Variants in MALRD1 observed in about 807,000 individuals in gnomAD.
The protein encoded by MALRD1 is MAM and LDL receptor class A domain containing 1.
MALRD1 carries 247 observed loss-of-function variants against 242.1 expected under a neutral mutation model. That is an observed-to-expected ratio of 1.02 (90% CI 0.92 to 1.13). The LOEUF (loss-of-function observed/expected upper bound fraction) is 1.13. MALRD1 is among the 50% of genes most tolerant of loss of function. The pLI is 0.00. For synonymous variants in MALRD1, 995 were observed against 866.6 expected, an observed-to-expected ratio of 1.15 and a Z score of -2.60; for missense variants, 2,989 against 2,533.1, an observed-to-expected ratio of 1.18 and a Z score of -3.86.
chr10:19,733,666 A>G (rs1835382200), intron 39 of MALRD1, among the ~76,000 whole-genome samples: 1 of 149,602 alleles, frequency 6.7e-6, no homozygotes, highest in South Asian at 2.1e-4. Context: ...TATTTGTTGA[A>G]GAAACCAGAT....
chr10:19,256,239 G>T (rs892568017), intron 18 of MALRD1, among the ~76,000 whole-genome samples: 1 of 151,906 alleles, frequency 6.6e-6, no homozygotes, highest in African/African-American at 2.4e-5. Context: ...TACATGTATG[G>T]GTACAGGACA....
intron 11 of MALRD1, among the ~76,000 whole-genome samples, chr10:19,151,997 G>A (rs551257777): frequency 6.6e-6 from 1 of 152,260 alleles, no homozygotes; most frequent in East Asian, 1.9e-4. Context: ...TTCTAGGCCA[G>A]TGCATTAACA....
intron 28 of MALRD1, among the ~76,000 whole-genome samples, chr10:19,391,271 G>A (rs1846325659): frequency 3.3e-5 from 5 of 152,050 alleles, no homozygotes; most frequent in Admixed American, 3.3e-4. Context: ...GTATATGCCT[G>A]TACTTAGTCA....
intron 26 of MALRD1, among the ~76,000 whole-genome samples, chr10:19,367,359 A>C (rs2130730146): frequency 6.6e-6 from 1 of 152,274 alleles, no homozygotes; most frequent in South Asian, 2.1e-4. Context: ...GAGTGAGAAC[A>C]TGTGTTGTTT....
At chr10:19,109,034 C>G (rs1836578137) in intron 5 of MALRD1, among the ~76,000 whole-genome samples, 1 of 152,110 alleles carries the variant, frequency 6.6e-6, no homozygotes, top group Non-Finnish European at 1.5e-5. Flanking sequence ...TACACCTGTG[C>G]TTTAGAGTAT....
chr10:19,406,554 G>A (rs1309625103), intron 28 of MALRD1, among the ~76,000 whole-genome samples: 1 of 152,138 alleles, frequency 6.6e-6, no homozygotes, highest in Non-Finnish European at 1.5e-5. Flanking sequence ...CGGTAACCTG[G>A]CTAAGGGTGT....
Position 19,283,191 on chromosome 10 carries a change from C to T in MALRD1, c.3419+10C>T. On this transcript the variant is annotated intron_variant, in intron 21 of 39. Coordinates refer to ENST00000454679, the MANE Select transcript of MALRD1 (RefSeq NM_001142308.3). ...CAGTGGATCATACACAGTAAGTGAC[C>T]ATGTATTTTGAATATCTCTCTTGGG... is the stretch of plus-strand genomic sequence containing the variant. 1.3e-6 allele frequency: 2 copies of T among 1,513,840 alleles called. No homozygotes were observed. Among genetic ancestry groups the T allele is most frequent in the Non-Finnish European group, 1.8e-6 (2 of 1,127,610 alleles). The allele number at this position is 1,513,840 out of a possible 1,614,324, so 93.8% of individuals were successfully genotyped here.
Position 19,171,964 on chromosome 10 carries a change from A to C in MALRD1, c.1831-3244A>C, listed in dbSNP as rs142973320. Among the ~76,000 whole-genome samples, 119 of 33,722 alleles carry C rather than the reference A, an allele frequency of 3.5e-3. 1 individual carries two copies. Among genetic ancestry groups the C allele is most frequent in the East Asian group, 0.02 (19 of 956 alleles). The allele number at this position is 33,722 out of a possible 152,430, so 22.1% of individuals were successfully genotyped here. A position where few individuals can be genotyped will look rare whatever the true frequency, so the allele number is the denominator to read the frequency against. ...ATCATATAATATATGTATATATCAC[A>C]TATATGTGATATATATCATATAATA... On this transcript the variant is annotated intron_variant, in intron 13 of 39. Transcript: ENST00000454679.
chr10:19,366,574 T>C (rs1360917144), intron 26 of MALRD1, among the ~76,000 whole-genome samples: 2 of 152,178 alleles, frequency 1.3e-5, no homozygotes, highest in Non-Finnish European at 2.9e-5. Context: ...AATATTTTTG[T>C]AACATATCCA....
At chr10:19,454,729 C>CA (rs58443737) in intron 29 of MALRD1, among the ~76,000 whole-genome samples, 1 of 148,730 alleles carries the variant, frequency 6.7e-6, no homozygotes, top group Non-Finnish European at 1.5e-5. Context: ...CACACACACA[C>CA]ACACACACAC....
intron 29 of MALRD1, among the ~76,000 whole-genome samples, chr10:19,490,510 G>GC (rs1554783703): frequency 1.5e-5 from 1 of 67,264 alleles, no homozygotes; most frequent in African/African-American, 4.4e-5. Flanking sequence ...GTGGGGCGGG[G>GC]GGGGGGCAGG....
chr10:19,171,457 T>TATATATATATATACACACAC (rs1166665866), intron 13 of MALRD1, among the ~76,000 whole-genome samples: 2 of 74,556 alleles, frequency 2.7e-5, no homozygotes, highest in African/African-American at 8.4e-5. Context: ...TATATATATA[T>TATATATATATATACACACAC]ACACACATGT....
intron 22 of MALRD1, among the ~76,000 whole-genome samples, chr10:19,324,791 T>C (rs1401808644): frequency 1.3e-5 from 2 of 151,922 alleles, no homozygotes; most frequent in Non-Finnish European, 2.9e-5. Context: ...TTGTAAAATG[T>C]CTCTTAGTTA....
Position 19,455,538 on chromosome 10 carries a change from G to A in MALRD1, c.5029+5048G>A, listed in dbSNP as rs116152256. ...TATGTTTTTCATCTATAAAATAGTA[G>A]TAATAATGCTTCCATCTCATAAAGT... On this transcript the variant is annotated intron_variant, in intron 29 of 39. Transcript: ENST00000454679. Among the ~76,000 whole-genome samples the A allele has an allele frequency of 3.0e-3, 450 of 152,214 alleles. 2 individuals are homozygous for A. The highest frequency in any genetic ancestry group is 0.01 in the African/African-American group (427 of 41,518).
intron 36 of MALRD1, among the ~76,000 whole-genome samples, chr10:19,642,713 A>G (rs1304398283): frequency 5.3e-5 from 8 of 152,198 alleles, no homozygotes; most frequent in Non-Finnish European, 8.8e-5. Context: ...TCCTAGGAGA[A>G]GATCTGAGGC....
At position 19,292,907 on chromosome 10, in the gene MALRD1, A is replaced by C. The variant is rs1437798850; in HGVS notation, c.3419+9726A>C. ...GACTCTGCCTCAAAAAAAAAAAAAA[A>C]AAAAAAAATGCAAACTATGTCCCTG... On this transcript the variant is annotated intron_variant, in intron 21 of 39. Coordinates refer to ENST00000454679, the MANE Select transcript of MALRD1 (RefSeq NM_001142308.3). Among the ~76,000 whole-genome samples, 18 of 151,860 alleles carry C rather than the reference A, an allele frequency of 1.2e-4. No individual in the cohort carries two copies. In the South Asian group the frequency reaches 3.5e-3, roughly 30 times the overall value.
At chr10:19,248,363 A>T (rs1157592707) in intron 18 of MALRD1, among the ~76,000 whole-genome samples, 1 of 151,518 alleles carries the variant, frequency 6.6e-6, no homozygotes. Context: ...GTCCAAAGTC[A>T]GTTACATAAT....
intron 32 of MALRD1, among the ~76,000 whole-genome samples, chr10:19,533,090 C>T (rs573074827): frequency 1.3e-5 from 2 of 152,276 alleles, no homozygotes; most frequent in East Asian, 3.9e-4. Flanking sequence ...ATAATGTAGG[C>T]AGATTTCGGT....
chr10:19,615,516 C>CAAAAAAAAAAAAAAAAAAAAAAAA (rs530920512), intron 35 of MALRD1, among the ~76,000 whole-genome samples: 1 of 37,226 alleles, frequency 2.7e-5, no homozygotes, highest in African/African-American at 1.4e-4. Context: ...GACCCTGCCT[C>CAAAAAAAAAAAAAAAAAAAAAAAA]AAAAAAAAAA....
Sources: gnomAD v4.1 joint callset for allele counts (sites outside exome capture counted in the v4.1 genomes callset) on GRCh38, gnomAD v4.1.1 for gene constraint, MANE v1.5 for transcripts, NCBI Gene and HGNC (gene_info 2026-07-23, HGNC 2026-07-21) for gene names.